The following GSG1L variants were observed in gnomAD, a reference collection of about 807,000 sequenced individuals.
The protein encoded by GSG1L is GSG1 like, also known as germ cell-specific gene 1-like protein.
A neutral mutation model predicts 42.1 loss-of-function variants in GSG1L; 24 were observed. The ratio of observed to expected loss-of-function variants is 0.57; its 90% CI spans 0.41 to 0.80. The LOEUF is 0.80. Among genes scored for constraint, GSG1L ranks in the 30% least tolerant of loss-of-function variants. GSG1L has a pLI of 0.00. For synonymous variants in GSG1L, 215 were observed against 203.5 expected, an observed-to-expected ratio of 1.06 and a Z score of -0.48; for missense variants, 445 against 472.2, an observed-to-expected ratio of 0.94 and a Z score of 0.53.
intron 6 of GSG1L, among the ~76,000 whole-genome samples, chr16:27,800,087 G>A (rs1281885925): frequency 6.6e-6 from 1 of 152,142 alleles, no homozygotes; most frequent in Non-Finnish European, 1.5e-5. Context: ...CTGTTGGCTT[G>A]GATCTCTCGA....
chr16:27,905,055 A>G (rs998522404), intron 2 of GSG1L, among the ~76,000 whole-genome samples: 1 of 152,188 alleles, frequency 6.6e-6, no homozygotes, highest in Non-Finnish European at 1.5e-5. Context: ...TTCAAACACA[A>G]CTGTGAGGCC....
At chr16:27,955,170 C>T (rs1297513466) in intron 2 of GSG1L, among the ~76,000 whole-genome samples, 1 of 151,878 alleles carries the variant, frequency 6.6e-6, no homozygotes, top group Admixed American at 6.6e-5. Flanking sequence ...GAAACAGAGA[C>T]ATTAAAGGGT....
At chr16:27,986,479 C>G (rs2085383976) in intron 1 of GSG1L, among the ~76,000 whole-genome samples, 1 of 146,414 alleles carries the variant, frequency 6.8e-6, no homozygotes, top group Non-Finnish European at 1.5e-5. Flanking sequence ...GCACTCCAGC[C>G]TGAGCGACCG....
chr16:27,842,220 A>ACATCAGTAGCACGATGTCGCGCGTGCCG (rs2083393386), intron 4 of GSG1L, among the ~76,000 whole-genome samples: 25 of 151,988 alleles, frequency 1.6e-4, no homozygotes, highest in East Asian at 5.8e-4. Context: ...TGCGCGTGTT[A>ACATCAGTAGCACGATGTCGCGCGTGCCG]AATTTCATAT....
intron 1 of GSG1L, among the ~76,000 whole-genome samples, chr16:27,983,589 A>C (rs763550499): frequency 2.0e-5 from 3 of 152,190 alleles, no homozygotes; most frequent in Non-Finnish European, 4.4e-5. Flanking sequence ...AGCAAGGCAA[A>C]TATTTTCCCC....
intron 2 of GSG1L, among the ~76,000 whole-genome samples, chr16:27,932,809 T>C (rs13336434): frequency 0.046 from 7,041 of 152,170 alleles, 557 homozygotes; most frequent in African/African-American, 0.16. Context: ...TCCCAGATCA[T>C]GGCTCACCCC....
intron 2 of GSG1L, among the ~76,000 whole-genome samples, chr16:27,914,414 T>C (rs559557117): frequency 1.3e-5 from 2 of 152,186 alleles, no homozygotes; most frequent in African/African-American, 4.8e-5. Flanking sequence ...TTATGAAGAA[T>C]GGAAAAATGG....
intron 6 of GSG1L, 121 bp from the exon 7 acceptor site, chr16:27,791,588 C>G (rs1024812875): frequency 5.4e-6 from 3 of 559,826 alleles, no homozygotes. Flanking sequence ...TTCTGCCCAT[C>G]ATGCCTTTTG....
At chr16:27,841,703 C>A (rs1437823954) in intron 4 of GSG1L, among the ~76,000 whole-genome samples, 1 of 152,208 alleles carries the variant, frequency 6.6e-6, no homozygotes, top group Non-Finnish European at 1.5e-5. Context: ...AATGGATCAG[C>A]ACTAATAGGG....
chr16:27,888,605 C>T lies in GSG1L; in HGVS notation c.398-3967G>A, dbSNP rs115268278. On this transcript the variant is annotated intron_variant, in intron 2 of 6. Coordinates refer to ENST00000447459, the MANE Select transcript of GSG1L (RefSeq NM_001109763.2). ...TTTCTCCGTCTCTCTCTGTCTCTCTCTCTCCCCGCCCCCCTTTCTTTTCTT... is the reference window on the plus strand; with the variant it reads ...TTTCTCCGTCTCTCTCTGTCTCTCTTTCTCCCCGCCCCCCTTTCTTTTCTT... 9.1e-3 allele frequency among the ~76,000 whole-genome samples: 1,198 copies of T among 131,288 alleles called. 24 individuals are homozygous for T. The highest frequency in any genetic ancestry group is 0.017 in the Admixed American group (198 of 11,854). 86.1% of individuals were successfully genotyped at this position (131,288 alleles called of 152,430 possible). A position where few individuals can be genotyped will look rare whatever the true frequency, so the allele number is the denominator to read the frequency against.
At chr16:27,839,134 T>G (rs2083351037) in intron 4 of GSG1L, among the ~76,000 whole-genome samples, 1 of 152,224 alleles carries the variant, frequency 6.6e-6, no homozygotes, top group Non-Finnish European at 1.5e-5. Flanking sequence ...GCTGGTCTGC[T>G]GTTTCCACAT....
At chr16:27,792,499 C>G (rs531035356) in intron 6 of GSG1L, among the ~76,000 whole-genome samples, 1 of 152,184 alleles carries the variant, frequency 6.6e-6, no homozygotes, top group Non-Finnish European at 1.5e-5. Flanking sequence ...GTCTTTCTAG[C>G]GCACCAGAAT....
At chr16:27,859,574 C>T (rs2083618557) in intron 3 of GSG1L, among the ~76,000 whole-genome samples, 1 of 152,266 alleles carries the variant, frequency 6.6e-6, no homozygotes, top group South Asian at 2.1e-4. Flanking sequence ...ACTGTCTTTG[C>T]TCCCATTGGC....
chr16:27,894,112 C>T (rs573151758), intron 2 of GSG1L, among the ~76,000 whole-genome samples: 6 of 152,260 alleles, frequency 3.9e-5, no homozygotes, highest in East Asian at 3.9e-4. Flanking sequence ...GACCAGGTGA[C>T]CTTAGCTCCA....
intron 5 of GSG1L, among the ~76,000 whole-genome samples, chr16:27,815,147 G>A (rs58809715): frequency 1.3e-5 from 2 of 152,236 alleles, no homozygotes; most frequent in African/African-American, 2.4e-5. Context: ...CCACTGATAT[G>A]GTTTGGATAT....
chr16:27,944,945 C>T (rs1021749646), intron 2 of GSG1L, among the ~76,000 whole-genome samples: 8 of 151,552 alleles, frequency 5.3e-5, no homozygotes, highest in Non-Finnish European at 5.9e-5. Flanking sequence ...GGCATCGTGG[C>T]GTGTACCTGT....
intron 1 of GSG1L, among the ~76,000 whole-genome samples, chr16:28,002,656 C>T (rs555718673): frequency 8.0e-4 from 122 of 151,920 alleles, no homozygotes; most frequent in African/African-American, 2.7e-3. Flanking sequence ...AGAGGCCAGG[C>T]GCGGTGGCTC....
At chr16:28,020,804 G>C (rs1223877891) in intron 1 of GSG1L, among the ~76,000 whole-genome samples, 4 of 152,180 alleles carry the variant, frequency 2.6e-5, no homozygotes, top group African/African-American at 9.7e-5. Flanking sequence ...CCGTGGCAAG[G>C]TTCATGGGGA....
intron 5 of GSG1L, among the ~76,000 whole-genome samples, chr16:27,823,078 A>T (rs2083167035): frequency 6.6e-6 from 1 of 152,174 alleles, no homozygotes; most frequent in Non-Finnish European, 1.5e-5. Flanking sequence ...ACCAGATCTG[A>T]GCATTAAGTA....
Sources: allele counts gnomAD v4.1 joint callset (sites outside exome capture counted in the v4.1 genomes callset), GRCh38; gene constraint gnomAD v4.1.1; transcripts MANE v1.5; gene names NCBI Gene and HGNC (gene_info 2026-07-23, HGNC 2026-07-21).